Variants in ZMYM2 observed in about 807,000 individuals in gnomAD.
ZMYM2 encodes zinc finger MYM-type containing 2.
In ZMYM2, 56 loss-of-function variants were observed where a neutral mutation model predicts 162.8. The ratio of observed to expected loss-of-function variants is 0.34; its 90% CI spans 0.28 to 0.43. The LOEUF (loss-of-function observed/expected upper bound fraction) is 0.43. Among genes scored for constraint, ZMYM2 ranks in the 20% least tolerant of loss-of-function variants. The pLI is 1.00. For missense variants in ZMYM2, 1,275 were observed against 1,621.8 expected, an observed-to-expected ratio of 0.79 and a Z score of 3.67; for synonymous variants, 510 against 541.6, an observed-to-expected ratio of 0.94 and a Z score of 0.81.
At chr13:20,062,020 T>A (rs1956273330) in intron 17 of ZMYM2, among the ~76,000 whole-genome samples, 1 of 152,210 alleles carries the variant, frequency 6.6e-6, no homozygotes, top group Admixed American at 6.5e-5. Context: ...TCTAAGTCAC[T>A]TAGAATATTT....
chr13:20,075,720 C>T (rs985704492), intron 21 of ZMYM2, among the ~76,000 whole-genome samples: 2 of 114,124 alleles, frequency 1.8e-5, no homozygotes, highest in Admixed American at 1.2e-4. Flanking sequence ...GAGTCTCTAT[C>T]GCCCAGGCTG....
the ZMYM2 span, among the ~76,000 whole-genome samples, chr13:19,903,121 A>G: frequency 6.6e-6 from 1 of 152,196 alleles, no homozygotes; most frequent in South Asian, 2.1e-4. Flanking sequence ...GTGTCATTGC[A>G]CTCTAGCCTG....
intron 17 of ZMYM2, among the ~76,000 whole-genome samples, chr13:20,061,774 A>G (rs1253975096): frequency 6.6e-6 from 1 of 152,010 alleles, no homozygotes; most frequent in Non-Finnish European, 1.5e-5. Flanking sequence ...TTTTTAGTAG[A>G]GACAGGGCTT....
At chr13:19,887,539 A>T in the ZMYM2 span, among the ~76,000 whole-genome samples, 1 of 151,404 alleles carries the variant, frequency 6.6e-6, no homozygotes, top group South Asian at 2.1e-4. Context: ...AAAAAAAAAA[A>T]ATACAATATA....
intron 12 of ZMYM2, among the ~76,000 whole-genome samples, 180 bp from the exon 13 acceptor site, chr13:20,051,253 G>GCATCTTTTTTTTTTTT (rs369364385): frequency 4.0e-5 from 3 of 74,210 alleles, no homozygotes; most frequent in African/African-American, 4.3e-5. Context: ...CTGTGAAATT[G>GCATCTTTTTTTTTTTT]TATTTTTTTT....
In ZMYM2 at chr13:19,993,063, G is replaced by A. The variant is rs754801395; in HGVS notation, c.-10G>A. 6.3e-7 allele frequency: 1 copy of A among 1,581,794 alleles called. No homozygotes were observed. Among genetic ancestry groups the A allele is most frequent in the Non-Finnish European group, 8.6e-7 (1 of 1,166,862 alleles). The stretch of plus-strand genomic sequence containing the variant: ...ATTCTTTTTTCTATCTTCCTAACAG[G>A]TTCTTTGGCATGGACACAAGTTCAG... On this transcript the variant is annotated splice_region_variant and 5_prime_UTR_variant, in exon 3 of 25. Coordinates refer to ENST00000610343, the MANE Select transcript of ZMYM2 (RefSeq NM_197968.4).
the ZMYM2 span, among the ~76,000 whole-genome samples, chr13:19,889,727 C>T: frequency 0.76 from 115,371 of 151,668 alleles, 47,463 homozygotes; most frequent in East Asian, 0.92. Flanking sequence ...TTTTGGAGTT[C>T]CAGGGATTGC....
chr13:19,990,656 T>A (rs1949530738), intron 2 of ZMYM2, among the ~76,000 whole-genome samples: 1 of 152,224 alleles, frequency 6.6e-6, no homozygotes, highest in Non-Finnish European at 1.5e-5. Flanking sequence ...GAAAAATGCC[T>A]CTACCACTGT....
chr13:19,957,550 C>G (rs918870426), upstream of ZMYM2, among the ~76,000 whole-genome samples: 3 of 152,342 alleles, frequency 2.0e-5, no homozygotes, highest in East Asian at 5.8e-4. Context: ...CTGTGGGGCC[C>G]GCCCTCCTCG....
At chr13:20,040,752 T>A (rs1954176851) in intron 12 of ZMYM2, among the ~76,000 whole-genome samples, 1 of 152,190 alleles carries the variant, frequency 6.6e-6, no homozygotes, top group Non-Finnish European at 1.5e-5. Flanking sequence ...TGCTATAAAT[T>A]TCCCTCTCAA....
chr13:20,029,415 A>T (rs1952872895), intron 9 of ZMYM2, among the ~76,000 whole-genome samples: 1 of 152,266 alleles, frequency 6.6e-6, no homozygotes, highest in Non-Finnish European at 1.5e-5. Context: ...GAACACCAAC[A>T]TTCAGACTGT....
chr13:19,989,068 C>T (rs1213856678), intron 2 of ZMYM2, among the ~76,000 whole-genome samples: 2 of 152,162 alleles, frequency 1.3e-5, no homozygotes, highest in South Asian at 2.1e-4. Flanking sequence ...TAGCAAACTA[C>T]TTCTGTCAGT....
At chr13:19,882,003 T>G in the ZMYM2 span, among the ~76,000 whole-genome samples, 84 of 139,822 alleles carry the variant, frequency 6.0e-4, no homozygotes, top group Middle Eastern at 3.5e-3. Flanking sequence ...AAAAAAAAAA[T>G]TTGTATATTT....
chr13:19,993,047 T>C lies in ZMYM2; in HGVS notation c.-10-16T>C. ...TCATACTGACATTTTAATTCTTTTT[T>C]CTATCTTCCTAACAGGTTCTTTGGC... is the stretch of plus-strand genomic sequence containing the variant. On this transcript the variant is annotated splice_polypyrimidine_tract_variant and intron_variant, in intron 2 of 24. Coordinates refer to ENST00000610343, the MANE Select transcript of ZMYM2 (RefSeq NM_197968.4). 1 of 1,546,432 alleles carries C rather than the reference T, an allele frequency of 6.5e-7. No homozygotes were observed. Among genetic ancestry groups the C allele is most frequent in the Non-Finnish European group, 8.7e-7 (1 of 1,150,958 alleles).
chr13:20,072,811 T>A (rs1018061868), intron 21 of ZMYM2, among the ~76,000 whole-genome samples: 1 of 152,212 alleles, frequency 6.6e-6, no homozygotes, highest in South Asian at 2.1e-4. Flanking sequence ...ATGATGCATT[T>A]CATCAAAGTC....
the ZMYM2 span, among the ~76,000 whole-genome samples, chr13:19,918,682 T>C: frequency 1.3e-5 from 2 of 151,546 alleles, no homozygotes; most frequent in Non-Finnish European, 2.9e-5. Context: ...GTATTTTTAG[T>C]AGAGACAGGT....
intron 10 of ZMYM2, among the ~76,000 whole-genome samples, chr13:20,031,808 A>T (rs1953167916): frequency 6.6e-6 from 1 of 151,540 alleles, no homozygotes; most frequent in African/African-American, 2.4e-5. Context: ...TGTACATATT[A>T]GAATGTATCA....
chr13:19,906,155 A>G, the ZMYM2 span, among the ~76,000 whole-genome samples: 27 of 151,558 alleles, frequency 1.8e-4, no homozygotes, highest in African/African-American at 5.1e-4. Context: ...CATGCCTGTA[A>G]TACCAGCTAT....
intron 2 of ZMYM2, among the ~76,000 whole-genome samples, chr13:19,962,882 C>T (rs1420011127): frequency 3.0e-5 from 4 of 131,920 alleles, no homozygotes; most frequent in South Asian, 2.4e-4. Flanking sequence ...AGTGCAGTGG[C>T]GTGATGTCTG....
Sources: gnomAD v4.1 joint callset for allele counts (sites outside exome capture counted in the v4.1 genomes callset) on GRCh38, gnomAD v4.1.1 for gene constraint, MANE v1.5 for transcripts, NCBI Gene and HGNC (gene_info 2026-07-23, HGNC 2026-07-21) for gene names.